The following HTR6 variants were observed in gnomAD, a reference collection of about 807,000 sequenced individuals.
The protein encoded by HTR6 is 5-hydroxytryptamine (serotonin) receptor 6, G protein-coupled.
In HTR6, 15 loss-of-function variants were observed where a neutral mutation model predicts 17.4. The ratio of observed to expected loss-of-function variants is 0.86; its 90% confidence interval spans 0.58 to 1.33. The LOEUF is 1.33. Ranked by LOEUF, HTR6 falls within the 40% of genes most tolerant of loss-of-function variation. The probability of loss-of-function intolerance (pLI) is 0.00; values close to 1 mark genes in which losing one functional copy is unlikely to be tolerated. For missense variants in HTR6, 578 were observed against 616.0 expected (o/e 0.94, Z 0.65); for synonymous variants, 326 against 295.5 (o/e 1.10, Z -1.06).
At chr1:19,670,525 C>T (rs1385562877) in intron 1 of HTR6, among the ~76,000 whole-genome samples, 4 of 147,812 alleles carry the variant, frequency 2.7e-5, no homozygotes, top group Non-Finnish European at 5.9e-5. Flanking sequence ...AGTGCAGTGG[C>T]GTGATCTTGG....
At chr1:19,670,653 G>A (rs35845491) in intron 1 of HTR6, among the ~76,000 whole-genome samples, 3,775 of 152,086 alleles carry the variant, frequency 0.025, 64 homozygotes, top group Middle Eastern at 0.048. Flanking sequence ...TAGTAGAGAT[G>A]GGGTTTCACT....
Position 19,679,584 on chromosome 1 carries a change from C to A in HTR6, c.*216C>A, listed in dbSNP as rs147684102. On this transcript the variant is annotated 3_prime_UTR_variant, in exon 3 of 3. Coordinates refer to ENST00000289753, the MANE Select transcript of HTR6 (RefSeq NM_000871.3). The surrounding 1 kb of genome is among the most constrained non-coding windows in gnomAD (Gnocchi z 4.9). ...CAGATATCGTGTTCTGAAGGATGCT[C>A]CACTGTTGAGTGTAACTTGTGTGTG... The A allele has an allele frequency of 3.2e-5, 21 of 647,376 alleles. No individual in the cohort carries two copies. In the African/African-American group the frequency reaches 3.3e-4, roughly 10 times the overall value. The allele number at this position is 647,376 out of a possible 1,614,324, so 40.1% of individuals were successfully genotyped here.
In HTR6 at chr1:19,665,573, T is replaced by C. The variant is rs10917509; in HGVS notation, c.-181T>C. On this transcript the variant is annotated 5_prime_UTR_variant, in exon 1 of 3. Transcript: ENST00000289753. The surrounding 1 kb of genome is among the most constrained non-coding windows in gnomAD (Gnocchi z 4.2). ...CCACACTGTGTCCTCCTGTAGTCGC[T>C]GCCCCCTGACCTAGCGCGACCCAGC... The C allele has an allele frequency of 0.58, 288,573 of 498,910 alleles. 88,256 individuals carry two copies. The highest frequency in any genetic ancestry group is 0.64 in the Non-Finnish European group (181,637 of 283,932). 30.9% of individuals were successfully genotyped at this position (498,910 alleles called of 1,614,324 possible). A position where few individuals can be genotyped will look rare whatever the true frequency, so the allele number is the denominator to read the frequency against.
intron 1 of HTR6, among the ~76,000 whole-genome samples, chr1:19,674,060 G>A (rs966861682): frequency 1.7e-4 from 26 of 151,942 alleles, no homozygotes; most frequent in Non-Finnish European, 4.4e-5. Flanking sequence ...TAGAGATGGG[G>A]TTTCACCATG....
At chr1:19,677,166 CTGTG>C (rs373136462) in intron 1 of HTR6, among the ~76,000 whole-genome samples, 3 of 151,308 alleles carry the variant, frequency 2.0e-5, no homozygotes, top group African/African-American at 4.9e-5. Context: ...GTTTTCTTGT[CTGTG>C]TGTGTGTGTG....
Position 19,665,817 on chromosome 1 carries a change from G to A in HTR6, c.64G>A (p.Ala22Thr). The A allele has an allele frequency of 6.4e-7, 1 of 1,559,152 alleles. No homozygotes were observed. Among genetic ancestry groups the A allele is most frequent in the Non-Finnish European group, 8.6e-7 (1 of 1,156,532 alleles). The change falls in exon 1 of 3, where the codon GCC becomes ACC. Residue 22 changes from alanine to threonine, a missense_variant. Ala to Thr is a moderately conservative substitution (Grantham distance 58, BLOSUM62 0). Transcript: ENST00000289753. This position sits in a 1 kb window ranked among gnomAD's most constrained non-coding sequence, Gnocchi z 4.2. ...GGCCTGGGGGGCAGGGCCGCCGTCG[G>A]CCCCGGGGGGCAGCGGCTGGGTGGC... Reference protein sequence around the residue: ...TPAWGAGPPSAPGGSGWVAAA... With the variant: ...TPAWGAGPPSTPGGSGWVAAA...
At position 19,677,938 on chromosome 1, in the gene HTR6, C is replaced by T. The variant is rs1425778629; in HGVS notation, c.715-629C>T. Among the ~76,000 whole-genome samples, 11 of 152,320 alleles carry T rather than the reference C, an allele frequency of 7.2e-5. No homozygotes were observed. The South Asian group carries it at 1.5e-3, about 20-fold the overall frequency. On this transcript the variant is annotated intron_variant, in intron 1 of 2. Coordinates refer to ENST00000289753, the MANE Select transcript of HTR6 (RefSeq NM_000871.3). ...TATTTTTAGTAGAGGCAAGGTTTCA[C>T]CCTGTTGGCCAGGCTGGTCTCAAAC...
At position 19,678,582 on chromosome 1, in the gene HTR6, C is replaced by G. The variant is rs61751019; in HGVS notation, c.730C>G (p.Arg244Gly). 5 of 1,612,526 alleles carry G rather than the reference C, an allele frequency of 3.1e-6. No homozygotes were observed. The African/African-American group carries it at 6.7e-5, about 22-fold the overall frequency. ...CTTTCCGCAGGTGCCCAGGACCCCA[C>G]GCCCAGGGGTGGAGTCTGCTGACAG... ...SETLQVPRTP[R>G]PGVESADSRR... The change falls in exon 2 of 3, where the codon CGC becomes GGC. Residue 244 changes from arginine (R) to glycine (G), a missense_variant. Transcript: ENST00000289753.
At chr1:19,674,937 G>C (rs1012105255) in intron 1 of HTR6, among the ~76,000 whole-genome samples, 1 of 152,204 alleles carries the variant, frequency 6.6e-6, no homozygotes, top group Non-Finnish European at 1.5e-5. Flanking sequence ...TGGCCCCAAG[G>C]GGCTGCGAGG....
Position 19,678,611 on chromosome 1 carries a change from G to A in HTR6, c.759G>A (p.Arg253=). 1.2e-6 allele frequency: 2 copies of A among 1,613,296 alleles called. No homozygotes were observed. The highest frequency in any genetic ancestry group is 1.7e-6 in the Non-Finnish European group (2 of 1,180,000). Residue 253 remains arginine (R), a synonymous_variant, in exon 2 of 3, where the codon AGG becomes AGA. Coordinates refer to ENST00000289753, the MANE Select transcript of HTR6 (RefSeq NM_000871.3). The part of the protein sequence containing the change: ...PRPGVESADS[R]RLATKHSRKA... ...CAGGGGTGGAGTCTGCTGACAGCAG[G>A]CGTCTAGCCACGAAGCACAGCAGGA...
In HTR6 at chr1:19,666,544, C is replaced by A; in HGVS notation, c.714+77C>A. The stretch of plus-strand genomic sequence containing the variant: ...AGCCCCTGGGGACCCCCTGGGCATC[C>A]CCACTTAGCACACATTTGCTCATGG... On this transcript the variant is annotated intron_variant, in intron 1 of 2. Transcript: ENST00000289753. This position sits in a 1 kb window ranked among gnomAD's most constrained non-coding sequence, Gnocchi z 4.5. 9.3e-7 allele frequency: 1 copy of A among 1,080,306 alleles called. No homozygotes were observed. The highest frequency in any genetic ancestry group is 1.3e-6 in the Non-Finnish European group (1 of 761,520). 66.9% of individuals were successfully genotyped at this position (1,080,306 alleles called of 1,614,324 possible). A position where few individuals can be genotyped will look rare whatever the true frequency, so the allele number is the denominator to read the frequency against.
Position 19,665,629 on chromosome 1 carries a change from C to A in HTR6, c.-125C>A, listed in dbSNP as rs906011504. On this transcript the variant is annotated 5_prime_UTR_variant, in exon 1 of 3. Transcript: ENST00000289753. The surrounding 1 kb of genome is among the most constrained non-coding windows in gnomAD (Gnocchi z 4.2). Reference sequence around the variant, plus strand: ...CGCCCATGTCCCCCCACTCACCTCCCCCGGGGGGCGTGGTGAGTCGCGGTC... The same window carrying A: ...CGCCCATGTCCCCCCACTCACCTCCACCGGGGGGCGTGGTGAGTCGCGGTC... The A allele has an allele frequency of 9.0e-6, 6 of 666,294 alleles. No individual in the cohort carries two copies. Among genetic ancestry groups the A allele is most frequent in the Non-Finnish European group, 1.5e-5 (6 of 403,570 alleles). 41.3% of individuals were successfully genotyped at this position (666,294 alleles called of 1,614,324 possible). A position where few individuals can be genotyped will look rare whatever the true frequency, so the allele number is the denominator to read the frequency against.
At chr1:19,667,156 GA>G (rs2095082629) in intron 1 of HTR6, among the ~76,000 whole-genome samples, 2 of 152,066 alleles carry the variant, frequency 1.3e-5, no homozygotes, top group African/African-American at 2.4e-5. Flanking sequence ...CACGGTTCTA[GA>G]AGGCACTGGG....
At position 19,666,060 on chromosome 1, in the gene HTR6, A is replaced by C. The variant is rs199749899; in HGVS notation, c.307A>C (p.Thr103Pro). 1 of 1,613,216 alleles carries C rather than the reference A, an allele frequency of 6.2e-7. No homozygotes were observed. Among genetic ancestry groups the C allele is most frequent in the Admixed American group, 1.7e-5 (1 of 60,014 alleles). ...GGCGCGCGGCCTCTGCCTGCTCTGG[A>C]CCGCCTTCGACGTGATGTGCTGCAG... is the stretch of plus-strand genomic sequence containing the variant. ...VLARGLCLLW[T>P]AFDVMCCSAS... The change falls in exon 1 of 3, where the codon ACC (threonine) becomes CCC (proline). Residue 103 changes from threonine to proline, a missense_variant. By Grantham distance (38) the Thr-to-Pro change is conservative (BLOSUM62 -1). Transcript: ENST00000289753. This position sits in a 1 kb window ranked among gnomAD's most constrained non-coding sequence, Gnocchi z 4.5.
At chr1:19,670,384 T>C (rs1295891051) in intron 1 of HTR6, among the ~76,000 whole-genome samples, 2 of 151,976 alleles carry the variant, frequency 1.3e-5, no homozygotes, top group Non-Finnish European at 2.9e-5. Context: ...ACGTGTTCTA[T>C]ACCTACCCAT....
chr1:19,669,742 CCA>C (rs1303954761), intron 1 of HTR6, among the ~76,000 whole-genome samples: 8 of 152,182 alleles, frequency 5.3e-5, no homozygotes, highest in Non-Finnish European at 8.8e-5. Flanking sequence ...AAAATACCAC[CCA>C]CACGCTGATG....
intron 1 of HTR6, among the ~76,000 whole-genome samples, chr1:19,672,952 G>C (rs2095089962): frequency 6.6e-6 from 1 of 152,158 alleles, no homozygotes. Context: ...AGGATTGCTT[G>C]AGCCCAGGCA....
At position 19,667,307 on chromosome 1, in the gene HTR6, A is replaced by G. The variant is rs80257614; in HGVS notation, c.714+840A>G. 8.2e-3 allele frequency among the ~76,000 whole-genome samples: 1,250 copies of G among 152,208 alleles called. 17 individuals are homozygous for G. The highest frequency in any genetic ancestry group is 0.028 in the African/African-American group (1,177 of 41,512). On this transcript the variant is annotated intron_variant, in intron 1 of 2. Transcript: ENST00000289753. ...GCACTCTCCATCCCTGTTATTCTCCATAAGAACAAGTCATAAAAATGACTT... is the reference window on the plus strand; with the variant it reads ...GCACTCTCCATCCCTGTTATTCTCCGTAAGAACAAGTCATAAAAATGACTT...
In HTR6 at chr1:19,665,841, G is replaced by A. The variant is rs2095080795; in HGVS notation, c.88G>A (p.Ala30Thr). The A allele has an allele frequency of 3.2e-6, 5 of 1,568,808 alleles. No homozygotes were observed. Among genetic ancestry groups the A allele is most frequent in the Non-Finnish European group, 4.3e-6 (5 of 1,158,658 alleles). The change falls in exon 1 of 3, where the codon GCG becomes ACG. Residue 30 changes from alanine to threonine, a missense_variant. Transcript: ENST00000289753. This position sits in a 1 kb window ranked among gnomAD's most constrained non-coding sequence, Gnocchi z 4.2. ...PSAPGGSGWV[A>T]AALCVVIALT... ...GGCCCCGGGGGGCAGCGGCTGGGTG[G>A]CGGCCGCGCTGTGCGTGGTCATCGC...
Sources: allele counts gnomAD v4.1 joint callset (sites outside exome capture counted in the v4.1 genomes callset), GRCh38; gene constraint gnomAD v4.1.1; non-coding constraint Gnocchi (gnomAD v3.1); transcripts MANE v1.5; gene names NCBI Gene and HGNC (gene_info 2026-07-23, HGNC 2026-07-21).